MRPS6: variants seen among roughly 807,000 people sequenced by gnomAD.
The protein encoded by MRPS6 is mitochondrial ribosomal protein S6.
In MRPS6, 6 loss-of-function variants were observed where a neutral mutation model predicts 13.1. That is an observed-to-expected ratio of 0.46 (90% confidence interval 0.25 to 0.91). MRPS6 has a LOEUF of 0.91. MRPS6 is among the 40% of genes least tolerant of loss of function. The probability of loss-of-function intolerance (pLI) is 0.18; values close to 1 mark genes in which losing one functional copy is unlikely to be tolerated. For missense variants in MRPS6, 164 were observed against 155.6 expected (o/e 1.05, Z -0.29); for synonymous variants, 61 against 56.5 (o/e 1.08, Z -0.36).
intron 1 of MRPS6, chr21:34,101,429 T>G: frequency 4.0e-6 from 4 of 1,000,166 alleles, no homozygotes; most frequent in Non-Finnish European, 4.8e-6. Context: ...ATTTGTAAGA[T>G]TTTGCATTAG....
chr21:34,112,913 T>G (rs909749346), intron 1 of MRPS6, among the ~76,000 whole-genome samples: 3 of 151,942 alleles, frequency 2.0e-5, no homozygotes, highest in Non-Finnish European at 2.9e-5. Context: ...ATCCAGCACT[T>G]TGGGAGGCTG....
intron 2 of MRPS6, among the ~76,000 whole-genome samples, chr21:34,132,403 C>T (rs1004386906): frequency 6.6e-6 from 1 of 152,206 alleles, no homozygotes; most frequent in Non-Finnish European, 1.5e-5. Context: ...ATGCCAGTCA[C>T]CAGCTGTGCA....
intron 1 of MRPS6, among the ~76,000 whole-genome samples, chr21:34,109,335 C>T (rs1170541216): frequency 1.3e-5 from 2 of 152,140 alleles, no homozygotes; most frequent in African/African-American, 2.4e-5. Flanking sequence ...GGGCCTGCAA[C>T]GGCCTGGCTG....
In MRPS6 at chr21:34,142,655, G is replaced by T; in HGVS notation, c.*55G>T. ...TAATTCCTTCACATTTGGGCAGCAT[G>T]GACGAGAAGGAAGAATTTGCAAGTT... On this transcript the variant is annotated 3_prime_UTR_variant, in exon 3 of 3. Transcript: ENST00000399312. 1 of 1,470,728 alleles carries T rather than the reference G, an allele frequency of 6.8e-7. No individual in the cohort carries two copies. The highest frequency in any genetic ancestry group is 1.5e-5 in the South Asian group (1 of 65,432). 91.1% of individuals were successfully genotyped at this position (1,470,728 alleles called of 1,614,324 possible). A position where few individuals can be genotyped will look rare whatever the true frequency, so the allele number is the denominator to read the frequency against.
At chr21:34,113,639 C>A (rs147641355) in intron 1 of MRPS6, among the ~76,000 whole-genome samples, 19 of 152,328 alleles carry the variant, frequency 1.2e-4, no homozygotes, top group African/African-American at 4.3e-4. Context: ...AGCATCACTG[C>A]AGTTGGCCTA....
intron 1 of MRPS6, among the ~76,000 whole-genome samples, chr21:34,075,772 G>T (rs1278907754): frequency 1.3e-5 from 2 of 152,188 alleles, no homozygotes; most frequent in African/African-American, 4.8e-5. Flanking sequence ...CAAACACAAA[G>T]ACTTCCAGGT....
intron 1 of MRPS6, among the ~76,000 whole-genome samples, chr21:34,077,792 A>G (rs1989369007): frequency 6.6e-6 from 1 of 152,216 alleles, no homozygotes; most frequent in South Asian, 2.1e-4. Flanking sequence ...TGAATATAGA[A>G]AAGTATAATC....
intron 2 of MRPS6, among the ~76,000 whole-genome samples, chr21:34,126,814 T>C (rs891587320): frequency 5.3e-5 from 8 of 152,310 alleles, no homozygotes; most frequent in African/African-American, 1.9e-4. Context: ...GATTTGACTT[T>C]GTTGAGAGTT....
intron 1 of MRPS6, chr21:34,103,319 A>AAT: frequency 1.0e-6 from 1 of 992,188 alleles, no homozygotes; most frequent in East Asian, 1.1e-4. Flanking sequence ...AGGAAGTAAA[A>AAT]AAAAAAAAAA....
At chr21:34,076,000 C>G (rs1989321069) in intron 1 of MRPS6, among the ~76,000 whole-genome samples, 1 of 152,182 alleles carries the variant, frequency 6.6e-6, no homozygotes, top group African/African-American at 2.4e-5. Context: ...CTCCTCAGTT[C>G]AAAGTTGCGT....
intron 1 of MRPS6, chr21:34,101,622 A>G (rs1979241514): frequency 1.0e-6 from 1 of 1,000,070 alleles, no homozygotes; most frequent in African/African-American, 1.7e-5. Flanking sequence ...GCACTTAGCA[A>G]ATTCAAATTT....
At chr21:34,137,553 C>G (rs1043099012) in intron 2 of MRPS6, among the ~76,000 whole-genome samples, 1 of 152,160 alleles carries the variant, frequency 6.6e-6, no homozygotes, top group African/African-American at 2.4e-5. Context: ...AAGACAGTCT[C>G]ACTTTTTGCT....
rs1256716171 is a variant in MRPS6 at position 34,142,840 on chromosome 21, T to C, written c.*240T>C. 1 of 359,020 alleles carries C rather than the reference T, an allele frequency of 2.8e-6. No individual in the cohort carries two copies. The highest frequency in any genetic ancestry group is 4.9e-6 in the Non-Finnish European group (1 of 203,892). 22.2% of individuals were successfully genotyped at this position (359,020 alleles called of 1,614,324 possible). A position where few individuals can be genotyped will look rare whatever the true frequency, so the allele number is the denominator to read the frequency against. On this transcript the variant is annotated 3_prime_UTR_variant, in exon 3 of 3. Transcript: ENST00000399312. ...TCGTTCTTGATTTTGTTTTCATTAG[T>C]GTCATTTCTTTGTCATTGAGGACTT...
At chr21:34,104,264 C>G (rs910280670) in intron 1 of MRPS6, 22 of 1,000,000 alleles carry the variant, frequency 2.2e-5, no homozygotes, top group Non-Finnish European at 2.5e-5. Flanking sequence ...AGGATTCTTT[C>G]ACTTGTCCCA....
intron 2 of MRPS6, among the ~76,000 whole-genome samples, chr21:34,129,674 A>G (rs7281374): frequency 0.12 from 18,314 of 152,172 alleles, 1,597 homozygotes; most frequent in African/African-American, 0.23. Context: ...CTCCATGAGC[A>G]CTGGCACCCT....
At chr21:34,105,427 CATTT>C (rs573841754) in intron 1 of MRPS6, 1,026 of 998,780 alleles carry the variant, frequency 1.0e-3, no homozygotes, top group Middle Eastern at 1.6e-3. Context: ...TTCATTCATT[CATTT>C]ATTTTTAAGC....
chr21:34,135,346 G>GTTTTT lies in MRPS6; in HGVS notation c.186-7040_186-7036dup, dbSNP rs747809642. 8 of 147,140 alleles carry GTTTTT rather than the reference G, an allele frequency of 5.4e-5. 1 individual carries two copies. The highest frequency in any genetic ancestry group is 8.9e-5 in the South Asian group (1 of 11,206). The allele number at this position is 147,140 out of a possible 1,614,324, so 9.1% of individuals were successfully genotyped here. A position where few individuals can be genotyped will look rare whatever the true frequency, so the allele number is the denominator to read the frequency against. Reference sequence around the variant, plus strand: ...ATACCAGCAATGTATATGAGAGCCGGTTTTTTTTTTTTTTTTTTTTTTTTT... The same window carrying GTTTTT: ...ATACCAGCAATGTATATGAGAGCCGGTTTTTTTTTTTTTTTTTTTTTTTTTTTTTT... On this transcript the variant is annotated intron_variant, in intron 2 of 2. Transcript: ENST00000399312.
intron 1 of MRPS6, among the ~76,000 whole-genome samples, chr21:34,091,772 T>TGAAC (rs1196429329): frequency 6.6e-6 from 1 of 152,202 alleles, no homozygotes; most frequent in Non-Finnish European, 1.5e-5. Flanking sequence ...AGCACCTTTG[T>TGAAC]GTTCAAGGTT....
chr21:34,102,620 A>G (rs1464720048), intron 1 of MRPS6: 1 of 1,000,036 alleles, frequency 1.0e-6, no homozygotes, highest in African/African-American at 1.7e-5. Context: ...TACTTTATGT[A>G]ATGACTCTTA....
Sources: allele counts gnomAD v4.1 joint callset (sites outside exome capture counted in the v4.1 genomes callset), GRCh38; gene constraint gnomAD v4.1.1; transcripts MANE v1.5; gene names NCBI Gene and HGNC (gene_info 2026-07-23, HGNC 2026-07-21).